The following SORCS2 variants were observed in gnomAD, a reference collection of about 807,000 sequenced individuals.
SORCS2 encodes VPS10 domain-containing receptor SorCS2.
A neutral mutation model predicts 141.6 loss-of-function variants in SORCS2; 100 were observed. That is an observed-to-expected ratio of 0.71 (90% CI 0.60 to 0.83). The LOEUF is 0.83. Among genes scored for constraint, SORCS2 ranks in the 40% least tolerant of loss-of-function variants. The pLI, the probability that SORCS2 is intolerant of heterozygous loss-of-function variation, is 0.00. For missense variants in SORCS2, 1,646 were observed against 1,560.2 expected, an observed-to-expected ratio of 1.05 and a Z score of -0.93; for synonymous variants, 789 against 676.9, an observed-to-expected ratio of 1.17 and a Z score of -2.57.
At chr4:7,363,002 ACTG>A (rs1213942106) in intron 1 of SORCS2, among the ~76,000 whole-genome samples, 3 of 150,214 alleles carry the variant, frequency 2.0e-5, no homozygotes, top group East Asian at 2.0e-4. Flanking sequence ...CTGCCATCCT[ACTG>A]CTATCATCAT....
intron 2 of SORCS2, among the ~76,000 whole-genome samples, chr4:7,522,216 C>T (rs1217868221): frequency 6.6e-6 from 1 of 152,172 alleles, no homozygotes; most frequent in Non-Finnish European, 1.5e-5. Flanking sequence ...GTGGGGCGAG[C>T]AGGGGCTCCT....
chr4:7,486,493 G>T (rs1194252297), intron 2 of SORCS2, among the ~76,000 whole-genome samples: 1 of 152,214 alleles, frequency 6.6e-6, no homozygotes, highest in African/African-American at 2.4e-5. Context: ...CCTGATGCCT[G>T]TTCCTGCGGG....
chr4:7,604,215 C>T (rs894194495), intron 3 of SORCS2, among the ~76,000 whole-genome samples: 19 of 152,130 alleles, frequency 1.2e-4, no homozygotes, highest in African/African-American at 4.3e-4. Context: ...ACCTGGAATC[C>T]CCACGTGTTG....
At chr4:7,652,334 A>G (rs1169396219) in intron 4 of SORCS2, among the ~76,000 whole-genome samples, 1 of 152,124 alleles carries the variant, frequency 6.6e-6, no homozygotes, top group Non-Finnish European at 1.5e-5. Flanking sequence ...CAAAACTCAT[A>G]GCTTGATCAA....
intron 3 of SORCS2, among the ~76,000 whole-genome samples, chr4:7,532,091 C>T (rs996646389): frequency 9.9e-5 from 15 of 152,196 alleles, no homozygotes; most frequent in African/African-American, 3.6e-4. Flanking sequence ...GGGGGAACTT[C>T]CTGACTTTGC....
intron 3 of SORCS2, among the ~76,000 whole-genome samples, chr4:7,619,012 C>G (rs989289020): frequency 1.3e-5 from 2 of 152,150 alleles, no homozygotes; most frequent in African/African-American, 4.8e-5. Flanking sequence ...AGAGTAGATG[C>G]TTTTCTCTGA....
intron 3 of SORCS2, among the ~76,000 whole-genome samples, chr4:7,571,387 C>A (rs898739450): frequency 2.6e-5 from 4 of 152,150 alleles, no homozygotes; most frequent in African/African-American, 9.7e-5. Context: ...AGGTGGGAAA[C>A]CACATGGCAG....
chr4:7,522,222 C>A (rs1733373001), intron 2 of SORCS2, among the ~76,000 whole-genome samples: 1 of 152,162 alleles, frequency 6.6e-6, no homozygotes, highest in Non-Finnish European at 1.5e-5. Flanking sequence ...CGAGCAGGGG[C>A]TCCTCACCCT....
intron 1 of SORCS2, among the ~76,000 whole-genome samples, chr4:7,301,087 T>G (rs945083454): frequency 2.0e-5 from 3 of 152,144 alleles, no homozygotes; most frequent in Non-Finnish European, 2.9e-5. Flanking sequence ...TCTCCTTGTT[T>G]CCTCGGCCCA....
intron 1 of SORCS2, among the ~76,000 whole-genome samples, chr4:7,240,760 T>C (rs1353842139): frequency 6.6e-6 from 1 of 152,118 alleles, no homozygotes; most frequent in Non-Finnish European, 1.5e-5. Flanking sequence ...ACCATGACAG[T>C]GACAGTAAGA....
chr4:7,673,645 T>A (rs1157185051), intron 8 of SORCS2, among the ~76,000 whole-genome samples: 1 of 152,214 alleles, frequency 6.6e-6, no homozygotes, highest in Non-Finnish European at 1.5e-5. Flanking sequence ...GCACCAGTCA[T>A]AACCTCGAGT....
Position 7,645,480 on chromosome 4 carries a change from CAT to C in SORCS2, c.813+6989_813+6990del, listed in dbSNP as rs1216040632. Among the ~76,000 whole-genome samples, 8 of 151,802 alleles carry C rather than the reference CAT, an allele frequency of 5.3e-5. No homozygotes were observed. In the South Asian group the frequency reaches 6.2e-4, roughly 12 times the overall value. On this transcript the variant is annotated intron_variant, in intron 4 of 26. Coordinates refer to ENST00000507866, the MANE Select transcript of SORCS2 (RefSeq NM_020777.3). ...GTATGTATATGCATGTATGTGTGTA[CAT>C]GTGTGTGTGAGTGTGTGTGGGTGTG...
At chr4:7,636,712 C>T (rs1720280598) in intron 3 of SORCS2, among the ~76,000 whole-genome samples, 1 of 152,084 alleles carries the variant, frequency 6.6e-6, no homozygotes, top group Admixed American at 6.5e-5. Context: ...CAGGCCACCC[C>T]CTCCCTTCCT....
chr4:7,740,354 G>A lies in SORCS2; in HGVS notation c.*90G>A, dbSNP rs925393263. The A allele has an allele frequency of 5.7e-5, 69 of 1,211,772 alleles. 1 individual carries two copies. Among genetic ancestry groups the A allele is most frequent in the African/African-American group, 5.0e-4 (33 of 66,546 alleles). The allele number at this position is 1,211,772 out of a possible 1,614,324, so 75.1% of individuals were successfully genotyped here. A position where few individuals can be genotyped will look rare whatever the true frequency, so the allele number is the denominator to read the frequency against. ...GGACTGGCGCCCCTCAGAGACCTGC[G>A]GAAAGCCCCCTCCCTGAGTCGTCGC... On this transcript the variant is annotated 3_prime_UTR_variant, in exon 27 of 27. Coordinates refer to ENST00000507866, the MANE Select transcript of SORCS2 (RefSeq NM_020777.3).
At chr4:7,575,249 G>T (rs143113813) in intron 3 of SORCS2, among the ~76,000 whole-genome samples, 332 of 152,276 alleles carry the variant, frequency 2.2e-3, no homozygotes, top group African/African-American at 7.8e-3. Context: ...TAATTTTAAT[G>T]TTCATTAACC....
intron 1 of SORCS2, among the ~76,000 whole-genome samples, chr4:7,243,030 G>A (rs572097164): frequency 6.6e-6 from 1 of 150,388 alleles, no homozygotes; most frequent in South Asian, 2.1e-4. Flanking sequence ...GTGCGTCATT[G>A]GCTGCAGGGC....
chr4:7,245,503 T>C (rs1478336172), intron 1 of SORCS2, among the ~76,000 whole-genome samples: 3 of 152,280 alleles, frequency 2.0e-5, no homozygotes, highest in Admixed American at 2.0e-4. Context: ...GATTCCACTC[T>C]GGCTCTTGCT....
chr4:7,352,108 G>A (rs1560212335), intron 1 of SORCS2, among the ~76,000 whole-genome samples: 1 of 152,082 alleles, frequency 6.6e-6, no homozygotes, highest in Admixed American at 6.5e-5. Flanking sequence ...GGTGGGGTTA[G>A]TTGCTTCTTC....
At chr4:7,381,739 C>T (rs4367172) in intron 1 of SORCS2, among the ~76,000 whole-genome samples, 40,107 of 152,112 alleles carry the variant, frequency 0.26, 5,474 homozygotes, top group African/African-American at 0.3. Context: ...TCCTGACTCC[C>T]GCCCCCACCC....
Sources: gnomAD v4.1 joint callset for allele counts (sites outside exome capture counted in the v4.1 genomes callset) on GRCh38, gnomAD v4.1.1 for gene constraint, MANE v1.5 for transcripts, NCBI Gene and HGNC (gene_info 2026-07-23, HGNC 2026-07-21) for gene names.